The following ENOX1 variants were observed in gnomAD, a reference collection of about 807,000 sequenced individuals.
ENOX1 encodes ecto-NOX disulfide-thiol exchanger 1, also known as candidate growth-related and time keeping constitutive hydroquinone (NADH) oxidase.
A neutral mutation model predicts 82.5 loss-of-function variants in ENOX1; 42 were observed. The ratio of observed to expected loss-of-function variants is 0.51; its 90% CI spans 0.40 to 0.66. ENOX1 has a LOEUF of 0.66. Among genes scored for constraint, ENOX1 ranks in the 30% least tolerant of loss-of-function variants. ENOX1 has a pLI of 0.00. For missense variants in ENOX1, 608 were observed against 811.6 expected, an observed-to-expected ratio of 0.75 and a Z score of 3.05; for synonymous variants, 271 against 282.2, an observed-to-expected ratio of 0.96 and a Z score of 0.40.
intron 3 of ENOX1, among the ~76,000 whole-genome samples, chr13:43,473,290 A>G (rs989499465): frequency 1.3e-5 from 2 of 152,218 alleles, no homozygotes; most frequent in Non-Finnish European, 2.9e-5. Flanking sequence ...CCAGAATTTT[A>G]AAACAACAAA....
chr13:43,261,715 C>A (rs1252377363), intron 14 of ENOX1, among the ~76,000 whole-genome samples: 13 of 149,726 alleles, frequency 8.7e-5, no homozygotes, highest in Non-Finnish European at 1.3e-4. Flanking sequence ...TGGAAATCAT[C>A]ATTCTCAGTA....
chr13:43,473,394 A>C (rs2058151162), intron 3 of ENOX1, among the ~76,000 whole-genome samples: 1 of 152,158 alleles, frequency 6.6e-6, no homozygotes, highest in South Asian at 2.1e-4. Context: ...TTAGGATGGA[A>C]TTTCTAACAG....
At chr13:43,716,228 T>C (rs929326285) in intron 1 of ENOX1, among the ~76,000 whole-genome samples, 5 of 152,198 alleles carry the variant, frequency 3.3e-5, no homozygotes, top group African/African-American at 1.2e-4. Context: ...GACGTACAGA[T>C]GGGTTTTTGG....
intron 2 of ENOX1, among the ~76,000 whole-genome samples, chr13:43,586,507 T>C (rs2080991071): frequency 6.6e-6 from 1 of 152,188 alleles, no homozygotes; most frequent in Admixed American, 6.5e-5. Context: ...TGGCGGGCTC[T>C]TGACAGTGAG....
intron 3 of ENOX1, among the ~76,000 whole-genome samples, chr13:43,426,725 C>T (rs1384778111): frequency 6.6e-6 from 1 of 152,100 alleles, no homozygotes; most frequent in Non-Finnish European, 1.5e-5. Context: ...TTGACTATTA[C>T]GGCAATTAGG....
chr13:43,512,622 T>G (rs895484587), intron 2 of ENOX1, among the ~76,000 whole-genome samples: 5 of 150,694 alleles, frequency 3.3e-5, no homozygotes, highest in Non-Finnish European at 7.4e-5. Flanking sequence ...GTGTGGGTTT[T>G]TTTTTTTTTT....
At chr13:43,677,532 A>C (rs1208505793) in intron 1 of ENOX1, among the ~76,000 whole-genome samples, 1 of 152,188 alleles carries the variant, frequency 6.6e-6, no homozygotes, top group African/African-American at 2.4e-5. Flanking sequence ...CTTCATACTC[A>C]AAACAACCTC....
intron 2 of ENOX1, among the ~76,000 whole-genome samples, chr13:43,529,074 A>C (rs918336193): frequency 2.6e-5 from 4 of 152,120 alleles, no homozygotes; most frequent in Non-Finnish European, 5.9e-5. Flanking sequence ...TAATCCTCAT[A>C]GAAACCGTGT....
In ENOX1 at chr13:43,702,732, C is replaced by A. The variant is rs139018247; in HGVS notation, c.-284-35188G>T. On this transcript the variant is annotated intron_variant, in intron 1 of 16. Transcript: ENST00000690772. ...TTGGGAGGCCGAGGTGGGTGGATCA[C>A]TTGAGGTCAGAAGTTCGAGGCCAGC... is the stretch of plus-strand genomic sequence containing the variant. Among the ~76,000 whole-genome samples, 129 of 152,056 alleles carry A rather than the reference C, an allele frequency of 8.5e-4. 2 individuals are homozygous for A. The East Asian group carries it at 0.022, about 26-fold the overall frequency.
intron 1 of ENOX1, among the ~76,000 whole-genome samples, chr13:43,710,871 C>T (rs201585194): frequency 0.11 from 15,499 of 147,528 alleles, 1,331 homozygotes; most frequent in East Asian, 0.27. Flanking sequence ...AAAGAAATAC[C>T]TTTTTTTTTT....
intron 5 of ENOX1, among the ~76,000 whole-genome samples, chr13:43,411,052 C>T (rs2054098033): frequency 6.6e-6 from 1 of 152,180 alleles, no homozygotes; most frequent in Non-Finnish European, 1.5e-5. Context: ...AGACTTAGCT[C>T]AAGCCCCACC....
intron 11 of ENOX1, among the ~76,000 whole-genome samples, chr13:43,309,826 C>T (rs2047087995): frequency 2.2e-5 from 1 of 45,598 alleles, no homozygotes; most frequent in Admixed American, 3.4e-4. Context: ...ACAGTTTTTG[C>T]TTTGTTCATT....
chr13:43,537,874 C>T (rs943605083), intron 2 of ENOX1, among the ~76,000 whole-genome samples: 2 of 152,208 alleles, frequency 1.3e-5, no homozygotes, highest in Non-Finnish European at 2.9e-5. Flanking sequence ...TGGGGCACCC[C>T]CTGCATCTGC....
At chr13:43,482,099 A>G (rs1291062590) in intron 3 of ENOX1, among the ~76,000 whole-genome samples, 2 of 152,216 alleles carry the variant, frequency 1.3e-5, no homozygotes, top group East Asian at 3.8e-4. Context: ...TCCACAAATT[A>G]AAAATAGAAC....
At chr13:43,785,704 CCCACTTTCCCCA>C (rs1382592711) in intron 1 of ENOX1, among the ~76,000 whole-genome samples, 1 of 152,170 alleles carries the variant, frequency 6.6e-6, no homozygotes, top group Non-Finnish European at 1.5e-5. Flanking sequence ...ACCTGTCGAC[CCCACTTTCCCCA>C]TGTGCTCGCC....
At chr13:43,705,330 C>CTATATATATA (rs60687265) in intron 1 of ENOX1, among the ~76,000 whole-genome samples, 8 of 129,850 alleles carry the variant, frequency 6.2e-5, no homozygotes, top group African/African-American at 1.7e-4. Context: ...CTCTCTCTCT[C>CTATATATATA]TATATATATA....
chr13:43,388,293 A>G (rs1029907990), intron 5 of ENOX1, among the ~76,000 whole-genome samples: 9 of 152,206 alleles, frequency 5.9e-5, no homozygotes, highest in African/African-American at 1.7e-4. Flanking sequence ...AAGATACCCA[A>G]CGAGCAAATC....
At chr13:43,268,049 C>T (rs1033401054) in intron 13 of ENOX1, among the ~76,000 whole-genome samples, 9 of 152,090 alleles carry the variant, frequency 5.9e-5, no homozygotes, top group African/African-American at 2.2e-4. Context: ...TATATCAATA[C>T]TTTCAGCAAA....
intron 1 of ENOX1, among the ~76,000 whole-genome samples, chr13:43,747,390 A>G (rs913709237): frequency 7.9e-5 from 12 of 152,326 alleles, no homozygotes; most frequent in Non-Finnish European, 1.3e-4. Flanking sequence ...TTTTATCATC[A>G]AAGTCTTGCA....
Sources: gnomAD v4.1 joint callset for allele counts (sites outside exome capture counted in the v4.1 genomes callset) on GRCh38, gnomAD v4.1.1 for gene constraint, MANE v1.5 for transcripts, NCBI Gene and HGNC (gene_info 2026-07-23, HGNC 2026-07-21) for gene names.